The following ADGRL3 variants were observed in gnomAD, a reference collection of about 807,000 sequenced individuals.
The protein encoded by ADGRL3 is adhesion G protein-coupled receptor L3.
In ADGRL3, 62 loss-of-function variants were observed where a neutral mutation model predicts 153.5. The ratio of observed to expected loss-of-function variants is 0.40; its 90% confidence interval spans 0.33 to 0.50. The LOEUF (loss-of-function observed/expected upper bound fraction) is 0.50, where lower values mean the gene tolerates loss of function less well. ADGRL3 is among the 20% of genes least tolerant of loss of function. ADGRL3 has a pLI of 0.47. For missense variants in ADGRL3, 1,641 were observed against 1,859.4 expected (o/e 0.88, Z 2.16); for synonymous variants, 710 against 672.5 (o/e 1.06, Z -0.86).
chr4:61,443,856 T>C (rs2097552134), intron 2 of ADGRL3, among the ~76,000 whole-genome samples: 1 of 152,204 alleles, frequency 6.6e-6, no homozygotes. Context: ...GTGAAATTTA[T>C]ATCAAAAATT....
At chr4:61,684,052 T>G (rs921392633) in intron 6 of ADGRL3, among the ~76,000 whole-genome samples, 1 of 152,162 alleles carries the variant, frequency 6.6e-6, no homozygotes, top group Non-Finnish European at 1.5e-5. Flanking sequence ...ATTTGGTATT[T>G]GCATGAAATA....
intron 1 of ADGRL3, among the ~76,000 whole-genome samples, chr4:61,285,063 T>C (rs2150052200): frequency 6.6e-6 from 1 of 151,688 alleles, no homozygotes; most frequent in South Asian, 2.1e-4. Context: ...GGATATGGAG[T>C]CTCATAATGA....
chr4:61,853,025 T>C (rs1002927796), intron 9 of ADGRL3, among the ~76,000 whole-genome samples: 2 of 152,030 alleles, frequency 1.3e-5, no homozygotes, highest in African/African-American at 4.8e-5. Flanking sequence ...GTTGGTTTTG[T>C]TTTGTTTTTT....
chr4:61,432,625 TCTTTCTTTCTTTCTTTCTTTCTTTC>T (rs2097377543), intron 2 of ADGRL3, among the ~76,000 whole-genome samples: 1 of 84,256 alleles, frequency 1.2e-5, no homozygotes, highest in Admixed American at 1.3e-4. Context: ...TTTCTTTCTT[TCTTTCTTTCTTTCTTTCTTTCTTTC>T]TTTCTTTTTT....
chr4:61,397,402 A>G (rs1318353244), intron 2 of ADGRL3, among the ~76,000 whole-genome samples: 1 of 151,922 alleles, frequency 6.6e-6, no homozygotes, highest in African/African-American at 2.4e-5. Flanking sequence ...CAAATAGTCA[A>G]AAAGAAATGA....
chr4:61,734,992 T>C (rs985218750), intron 8 of ADGRL3, among the ~76,000 whole-genome samples: 1 of 152,222 alleles, frequency 6.6e-6, no homozygotes, highest in Non-Finnish European at 1.5e-5. Flanking sequence ...TTTTCTGCAT[T>C]ATGTTTCAAA....
At chr4:61,620,103 T>C (rs925436097) in intron 5 of ADGRL3, among the ~76,000 whole-genome samples, 1 of 151,784 alleles carries the variant, frequency 6.6e-6, no homozygotes, top group African/African-American at 2.4e-5. Flanking sequence ...TTTATGCTTC[T>C]TCCTTTAAAA....
At chr4:61,863,929 C>G (rs2098375037) in intron 9 of ADGRL3, among the ~76,000 whole-genome samples, 1 of 152,188 alleles carries the variant, frequency 6.6e-6, no homozygotes, top group South Asian at 2.1e-4. Flanking sequence ...TACTGCAGTT[C>G]TCCCTATGAA....
intron 5 of ADGRL3, among the ~76,000 whole-genome samples, chr4:61,655,745 G>A (rs2094426521): frequency 6.6e-6 from 1 of 152,052 alleles, no homozygotes; most frequent in Non-Finnish European, 1.5e-5. Flanking sequence ...GATATAAAAT[G>A]GCAAACTATA....
At chr4:61,869,960 A>AAGAG (rs1311740882) in intron 9 of ADGRL3, among the ~76,000 whole-genome samples, 84 of 101,810 alleles carry the variant, frequency 8.3e-4, no homozygotes, top group East Asian at 4.2e-3. Flanking sequence ...AAAAAAAAAA[A>AAGAG]AGAGAGAGAG....
At chr4:61,422,568 A>G (rs2097219109) in intron 2 of ADGRL3, among the ~76,000 whole-genome samples, 1 of 152,150 alleles carries the variant, frequency 6.6e-6, no homozygotes, top group African/African-American at 2.4e-5. Flanking sequence ...TAAACGTGAT[A>G]AAACCAAAAT....
intron 1 of ADGRL3, among the ~76,000 whole-genome samples, chr4:61,292,091 T>C (rs1219212869): frequency 6.6e-6 from 1 of 151,696 alleles, no homozygotes; most frequent in Admixed American, 6.6e-5. Flanking sequence ...ATTGATGGTA[T>C]AAGGTTTGTA....
chr4:61,870,028 AAG>A (rs1561390842), intron 9 of ADGRL3, among the ~76,000 whole-genome samples: 1 of 140,056 alleles, frequency 7.1e-6, no homozygotes, highest in African/African-American at 2.5e-5. Flanking sequence ...AGAAAGAAGA[AAG>A]AAAGAAAGAG....
At chr4:61,524,665 A>G (rs997930858) in intron 4 of ADGRL3, among the ~76,000 whole-genome samples, 2 of 152,096 alleles carry the variant, frequency 1.3e-5, no homozygotes, top group African/African-American at 4.8e-5. Flanking sequence ...AAAGTGTGAT[A>G]TAAAAATGCA....
chr4:61,957,371 T>C (rs896328945), intron 17 of ADGRL3, among the ~76,000 whole-genome samples: 1 of 152,104 alleles, frequency 6.6e-6, no homozygotes, highest in African/African-American at 2.4e-5. Flanking sequence ...CTTGTCATCT[T>C]ATAGCTCTCA....
At chr4:61,667,354 G>T (rs1218815233) in intron 5 of ADGRL3, among the ~76,000 whole-genome samples, 1 of 152,064 alleles carries the variant, frequency 6.6e-6, no homozygotes, top group Non-Finnish European at 1.5e-5. Context: ...AAAATCAAAA[G>T]AAGTTAGTAT....
chr4:61,571,771 A>T (rs1247005487), intron 4 of ADGRL3, among the ~76,000 whole-genome samples: 2 of 152,226 alleles, frequency 1.3e-5, no homozygotes, highest in African/African-American at 4.8e-5. Context: ...GTGCTTGATA[A>T]TTGATTTAAT....
At chr4:61,550,319 C>T (rs2098734431) in intron 4 of ADGRL3, among the ~76,000 whole-genome samples, 1 of 151,786 alleles carries the variant, frequency 6.6e-6, no homozygotes, top group South Asian at 2.1e-4. Context: ...TAAAAGGCTA[C>T]CTAGATGTTG....
At chr4:61,482,441 A>T (rs1218738218) in intron 2 of ADGRL3, among the ~76,000 whole-genome samples, 2 of 152,172 alleles carry the variant, frequency 1.3e-5, no homozygotes, top group African/African-American at 2.4e-5. Context: ...GCCGGAGCCA[A>T]ATATTAAACA....
Sources: allele counts gnomAD v4.1 joint callset (sites outside exome capture counted in the v4.1 genomes callset), GRCh38; gene constraint gnomAD v4.1.1; transcripts MANE v1.5; gene names NCBI Gene and HGNC (gene_info 2026-07-23, HGNC 2026-07-21).